The following RXRA variants were observed in gnomAD, a reference collection of about 807,000 sequenced individuals.
The protein encoded by RXRA is retinoid X receptor alpha, also known as retinoic acid receptor RXR-alpha.
RXRA carries 5 observed loss-of-function variants against 44.5 expected under a neutral mutation model. That is an observed-to-expected ratio of 0.11 (90% CI 0.06 to 0.24). The LOEUF (loss-of-function observed/expected upper bound fraction) is 0.24. Among genes scored for constraint, RXRA ranks in the 10% least tolerant of loss-of-function variants. RXRA has a pLI of 1.00. For missense variants in RXRA, 412 were observed against 646.5 expected (o/e 0.64, Z 3.93); for synonymous variants, 291 against 271.4 (o/e 1.07, Z -0.71).
intron 4 of RXRA, among the ~76,000 whole-genome samples, chr9:134,410,733 T>G (rs1831134797): frequency 3.9e-5 from 6 of 152,124 alleles, no homozygotes; most frequent in Admixed American, 3.3e-4. Flanking sequence ...GTGTGCAGCC[T>G]TAGCCTGGCA....
intron 1 of RXRA, among the ~76,000 whole-genome samples, chr9:134,376,441 G>A (rs1830558603): frequency 6.6e-6 from 1 of 152,198 alleles, no homozygotes; most frequent in Admixed American, 6.5e-5. Context: ...CCCAACCACA[G>A]CCCCCACTGC....
At chr9:134,419,324 C>T (rs1000389835) in intron 5 of RXRA, among the ~76,000 whole-genome samples, 2 of 152,250 alleles carry the variant, frequency 1.3e-5, no homozygotes, top group African/African-American at 4.8e-5. Context: ...GGGGGGGAAT[C>T]TGCCATCTGC....
rs1830414762 is a variant in RXRA, at chr9:134,366,358, TC to T, written c.29-35272del. 6.6e-6 allele frequency among the ~76,000 whole-genome samples: 1 copy of T among 151,946 alleles called. No homozygotes were observed. Among genetic ancestry groups the T allele is most frequent in the African/African-American group, 2.4e-5 (1 of 41,334 alleles). Reference sequence around the variant, plus strand: ...AGGTCCAGCAGGCCTTGGCACAGGCTCCAGAATTGCACGTGATCTCAGACGG... The same window carrying T: ...AGGTCCAGCAGGCCTTGGCACAGGCTCAGAATTGCACGTGATCTCAGACGG... On this transcript the variant is annotated intron_variant, in intron 1 of 9. Coordinates refer to ENST00000481739, the MANE Select transcript of RXRA (RefSeq NM_002957.6). This position sits in a 1 kb window ranked among gnomAD's most constrained non-coding sequence, Gnocchi z 5.9.
rs1394889605 is a variant in RXRA at position 134,342,032 on chromosome 9, G to T, written c.28+15373G>T. On this transcript the variant is annotated intron_variant, in intron 1 of 9. Transcript: ENST00000481739. This position sits in a 1 kb window ranked among gnomAD's most constrained non-coding sequence, Gnocchi z 4.4. Reference sequence around the variant, plus strand: ...TAGGGGCTGTCAGAGCATCCGGCTAGCTGGAGCCTGCCTGTGGTGGGTGTT... The same window carrying T: ...TAGGGGCTGTCAGAGCATCCGGCTATCTGGAGCCTGCCTGTGGTGGGTGTT... Among the ~76,000 whole-genome samples, 1 of 152,186 alleles carries T rather than the reference G, an allele frequency of 6.6e-6. No individual in the cohort carries two copies. Among genetic ancestry groups the T allele is most frequent in the Admixed American group, 6.5e-5 (1 of 15,290 alleles).
intron 1 of RXRA, among the ~76,000 whole-genome samples, chr9:134,340,977 C>T (rs113010540): frequency 5.9e-5 from 9 of 152,290 alleles, no homozygotes; most frequent in Admixed American, 2.6e-4. Flanking sequence ...GGTCTGAGAG[C>T]GGCATGGCTG....
intron 1 of RXRA, among the ~76,000 whole-genome samples, chr9:134,338,046 A>G (rs868946234): frequency 3.3e-4 from 50 of 152,288 alleles, no homozygotes; most frequent in African/African-American, 1.1e-3. Context: ...CTGCCAGGCC[A>G]GCGGGGGAGA....
At chr9:134,352,083 G>A (rs948519243) in intron 1 of RXRA, among the ~76,000 whole-genome samples, 10 of 152,226 alleles carry the variant, frequency 6.6e-5, no homozygotes, top group Admixed American at 2.0e-4. Flanking sequence ...CACAGGCTGC[G>A]GGAGTCAGAG....
Position 134,421,680 on chromosome 9 carries a change from A to G in RXRA, c.785A>G (p.Asn262Ser). 1 of 1,562,522 alleles carries G rather than the reference A, an allele frequency of 6.4e-7. No individual in the cohort carries two copies. The change falls in exon 6 of 10, where the codon AAC (asparagine) becomes AGC (serine). Residue 262 changes from asparagine (N) to serine (S), a missense_variant. Transcript: ENST00000481739. Reference sequence around the variant, plus strand: ...GCTCTTCTTCCTCCACTGCAGCCGAACGACCCTGTCACCAACATTTGCCAA... The same window carrying G: ...GCTCTTCTTCCTCCACTGCAGCCGAGCGACCCTGTCACCAACATTTGCCAA... ...ANMGLNPSSP[N>S]DPVTNICQAA...
At chr9:134,341,904 C>T (rs1830090989) in intron 1 of RXRA, among the ~76,000 whole-genome samples, 1 of 152,124 alleles carries the variant, frequency 6.6e-6, no homozygotes, top group African/African-American at 2.4e-5. Flanking sequence ...CCTGGCTGGG[C>T]AGGGCTGGGC....
At chr9:134,413,275 T>A (rs926311759) in intron 4 of RXRA, among the ~76,000 whole-genome samples, 1 of 151,812 alleles carries the variant, frequency 6.6e-6, no homozygotes, top group African/African-American at 2.4e-5. Context: ...GTGTGGTATG[T>A]CTGTGTGGTG....
At chr9:134,428,061 G>A (rs1009549995) in intron 6 of RXRA, among the ~76,000 whole-genome samples, 2 of 152,166 alleles carry the variant, frequency 1.3e-5, no homozygotes, top group African/African-American at 4.8e-5. Flanking sequence ...TAAAACAGCA[G>A]TGCGTGTGCA....
intron 9 of RXRA, among the ~76,000 whole-genome samples, chr9:134,435,570 G>C (rs1182697342): frequency 6.6e-6 from 1 of 152,194 alleles, no homozygotes; most frequent in Admixed American, 6.5e-5. Flanking sequence ...CCCTGCACAA[G>C]GTGCCGTGGG....
chr9:134,326,558 C>T lies in RXRA; in HGVS notation c.-74C>T. 8.3e-6 allele frequency: 3 copies of T among 362,958 alleles called. No homozygotes were observed. Among genetic ancestry groups the T allele is most frequent in the East Asian group, 1.8e-4 (1 of 5,692 alleles). 22.5% of individuals were successfully genotyped at this position (362,958 alleles called of 1,614,324 possible). On this transcript the variant is annotated 5_prime_UTR_variant, in exon 1 of 10. Transcript: ENST00000481739. Reference sequence around the variant, plus strand: ...CGGCTCCCCGCCGCCCGGGCCCGGGCCGGCCGCGCCGGGGGCCGCCGCGCC... The same window carrying T: ...CGGCTCCCCGCCGCCCGGGCCCGGGTCGGCCGCGCCGGGGGCCGCCGCGCC...
intron 1 of RXRA, among the ~76,000 whole-genome samples, chr9:134,328,963 C>A (rs1834958357): frequency 6.6e-6 from 1 of 152,224 alleles, no homozygotes; most frequent in African/African-American, 2.4e-5. Context: ...GGCCGAGGGA[C>A]TCGCCAGAGG....
At chr9:134,374,286 G>A (rs1022506040) in intron 1 of RXRA, among the ~76,000 whole-genome samples, 10 of 152,232 alleles carry the variant, frequency 6.6e-5, no homozygotes, top group African/African-American at 2.4e-4. Context: ...GCTTGAGCCT[G>A]GGTGGTGGTT....
intron 4 of RXRA, among the ~76,000 whole-genome samples, chr9:134,412,238 C>T (rs1047252469): frequency 1.3e-5 from 2 of 152,354 alleles, no homozygotes; most frequent in African/African-American, 2.4e-5. Flanking sequence ...TGGGAGCTGT[C>T]GGCTCTGGGG....
rs1389002041 is a variant in RXRA at position 134,439,984 on chromosome 9, A to G, written c.*3370A>G. ...GAGCAGACAGCTTTAGCCGTTCCCA[A>G]TCCTTAGCAATGCCTTAGCTGGGAC... On this transcript the variant is annotated 3_prime_UTR_variant, in exon 10 of 10. Transcript: ENST00000481739. 6.6e-6 allele frequency: 1 copy of G among 152,448 alleles called. No individual in the cohort carries two copies. Among genetic ancestry groups the G allele is most frequent in the Admixed American group, 6.5e-5 (1 of 15,276 alleles). The allele number at this position is 152,448 out of a possible 1,614,324, so 9.4% of individuals were successfully genotyped here. A position where few individuals can be genotyped will look rare whatever the true frequency, so the allele number is the denominator to read the frequency against.
chr9:134,402,231 C>T (rs1054122591), intron 2 of RXRA: 4 of 304,838 alleles, frequency 1.3e-5, no homozygotes, highest in African/African-American at 6.6e-5. Flanking sequence ...AGCCTGCTTC[C>T]CCAAAAGCTT....
chr9:134,413,901 TGA>T (rs1175665735), intron 4 of RXRA, among the ~76,000 whole-genome samples: 1 of 152,150 alleles, frequency 6.6e-6, no homozygotes, highest in East Asian at 1.9e-4. Flanking sequence ...CTGCGGTGTG[TGA>T]GTCTCCTCTG....
Sources: gnomAD v4.1 joint callset for allele counts (sites outside exome capture counted in the v4.1 genomes callset) on GRCh38, gnomAD v4.1.1 for gene constraint, Gnocchi (gnomAD v3.1) non-coding constraint, MANE v1.5 for transcripts, NCBI Gene and HGNC (gene_info 2026-07-23, HGNC 2026-07-21) for gene names.